Variants in CSMD1 observed in about 807,000 individuals in gnomAD.
CSMD1 encodes the protein CUB and Sushi multiple domains 1.
CSMD1 carries 213 observed loss-of-function variants against 417.5 expected under a neutral mutation model. That is an observed-to-expected ratio of 0.51 (90% CI 0.46 to 0.57). The LOEUF is 0.57. Among genes scored for constraint, CSMD1 ranks in the 20% least tolerant of loss-of-function variants. CSMD1 has a pLI of 0.00. For synonymous variants in CSMD1, 2,862 were observed against 1,736.8 expected (o/e 1.65, Z -16.11); for missense variants, 6,923 against 4,529.7 (o/e 1.53, Z -15.17).
chr8:3,925,634 T>C (rs1402546128), intron 5 of CSMD1, among the ~76,000 whole-genome samples: 5 of 151,976 alleles, frequency 3.3e-5, no homozygotes, highest in African/African-American at 1.2e-4. Context: ...TCTCATGAGA[T>C]CTGATGGGCT....
At chr8:3,888,411 C>A (rs368490328) in intron 5 of CSMD1, among the ~76,000 whole-genome samples, 3 of 152,148 alleles carry the variant, frequency 2.0e-5, no homozygotes, top group Non-Finnish European at 4.4e-5. Flanking sequence ...TATACGGAAA[C>A]CTTTTTTTAC....
chr8:4,876,242 G>A (rs998108242), intron 1 of CSMD1, among the ~76,000 whole-genome samples: 2 of 152,030 alleles, frequency 1.3e-5, no homozygotes, highest in African/African-American at 4.8e-5. Context: ...ATCTGCTACT[G>A]TGGTATAATA....
chr8:2,992,104 A>C (rs1295794703), intron 54 of CSMD1, among the ~76,000 whole-genome samples: 1 of 152,224 alleles, frequency 6.6e-6, no homozygotes, highest in Non-Finnish European at 1.5e-5. Flanking sequence ...GATTTAAAAG[A>C]AACACATGCA....
chr8:3,655,906 T>C (rs186970796), intron 7 of CSMD1, among the ~76,000 whole-genome samples: 84 of 152,276 alleles, frequency 5.5e-4, no homozygotes, highest in Non-Finnish European at 6.5e-4. Flanking sequence ...TTAATCCTTG[T>C]GATGCCAGGA....
At chr8:4,658,135 A>G (rs1414719196) in intron 1 of CSMD1, among the ~76,000 whole-genome samples, 1 of 152,164 alleles carries the variant, frequency 6.6e-6, no homozygotes, top group Non-Finnish European at 1.5e-5. Flanking sequence ...ATATATGCAT[A>G]ATAAAAAATC....
chr8:4,460,926 TCAATACCC>T (rs1183270882), intron 2 of CSMD1, among the ~76,000 whole-genome samples: 2 of 152,124 alleles, frequency 1.3e-5, no homozygotes, highest in Admixed American at 6.5e-5. Context: ...TTTTATAAGG[TCAATACCC>T]CAATATCAAA....
intron 2 of CSMD1, among the ~76,000 whole-genome samples, chr8:4,433,127 AGTT>A (rs1797965264): frequency 6.6e-6 from 1 of 152,238 alleles, no homozygotes; most frequent in Non-Finnish European, 1.5e-5. Context: ...GGGACTGACC[AGTT>A]GCAGAAAAAC....
intron 1 of CSMD1, among the ~76,000 whole-genome samples, chr8:4,818,319 A>G (rs187747013): frequency 6.6e-6 from 1 of 152,216 alleles, no homozygotes; most frequent in Non-Finnish European, 1.5e-5. Flanking sequence ...AAGCTAGATT[A>G]CAAAAGTATA....
At chr8:4,806,420 C>A (rs553153925) in intron 1 of CSMD1, among the ~76,000 whole-genome samples, 3 of 152,036 alleles carry the variant, frequency 2.0e-5, no homozygotes, top group African/African-American at 4.8e-5. Flanking sequence ...CATAAAAGTC[C>A]CCTGGATGAT....
chr8:4,272,265 C>G (rs946958249), intron 3 of CSMD1, among the ~76,000 whole-genome samples: 16 of 152,172 alleles, frequency 1.1e-4, no homozygotes, highest in African/African-American at 3.6e-4. Flanking sequence ...GAATCTGGGA[C>G]TTTAAGAAAA....
chr8:4,638,438 A>G (rs918074223), intron 1 of CSMD1, among the ~76,000 whole-genome samples: 4 of 152,234 alleles, frequency 2.6e-5, no homozygotes, highest in African/African-American at 7.2e-5. Context: ...CAAGTTGAAA[A>G]TAAAAGACAT....
chr8:3,715,357 T>C lies in CSMD1; in HGVS notation c.932-6866A>G, dbSNP rs115212938. Among the ~76,000 whole-genome samples the C allele has an allele frequency of 1.2e-3, 187 of 152,246 alleles. 2 individuals are homozygous for C. Among genetic ancestry groups the C allele is most frequent in the African/African-American group, 4.3e-3 (179 of 41,542 alleles). ...GTTGTTTTCCTGAAGGATGGAACCATTTCACAGTCTAAAACCTGAGCCTCC... is the reference window on the plus strand; with the variant it reads ...GTTGTTTTCCTGAAGGATGGAACCACTTCACAGTCTAAAACCTGAGCCTCC... On this transcript the variant is annotated intron_variant, in intron 6 of 69. Coordinates refer to ENST00000635120, the MANE Select transcript of CSMD1 (RefSeq NM_033225.6).
chr8:3,065,765 A>G (rs1812900723), intron 49 of CSMD1, among the ~76,000 whole-genome samples: 1 of 152,222 alleles, frequency 6.6e-6, no homozygotes, highest in African/African-American at 2.4e-5. Flanking sequence ...ATATAAAAGG[A>G]AAATTAGGCA....
At chr8:3,787,455 T>C (rs1221065227) in intron 5 of CSMD1, among the ~76,000 whole-genome samples, 1 of 152,260 alleles carries the variant, frequency 6.6e-6, no homozygotes, top group East Asian at 1.9e-4. Context: ...TATACAATAA[T>C]TCATGTGAAA....
In CSMD1 at chr8:3,450,417, C is replaced by A. The variant is rs967178100; in HGVS notation, c.1561+18295G>T. Among the ~76,000 whole-genome samples, 6 of 151,882 alleles carry A rather than the reference C, an allele frequency of 4.0e-5. No homozygotes were observed. The East Asian group carries it at 1.2e-3, about 29-fold the overall frequency. On this transcript the variant is annotated intron_variant, in intron 12 of 69. Coordinates refer to ENST00000635120, the MANE Select transcript of CSMD1 (RefSeq NM_033225.6). ...TGTTGGTGTGCTGCACCCATTAACT[C>A]GTCATTTAGCATTAGGTATATCTCC... is the stretch of plus-strand genomic sequence containing the variant.
chr8:4,946,651 C>T (rs952542402), intron 1 of CSMD1, among the ~76,000 whole-genome samples: 1 of 152,032 alleles, frequency 6.6e-6, no homozygotes, highest in Non-Finnish European at 1.5e-5. Flanking sequence ...ATCTGACTCC[C>T]GAATTAAAAA....
intron 3 of CSMD1, among the ~76,000 whole-genome samples, chr8:4,235,753 G>C (rs1358738172): frequency 1.3e-5 from 2 of 152,138 alleles, no homozygotes; most frequent in African/African-American, 4.8e-5. Flanking sequence ...AGGAAAAAAT[G>C]TGTCCCCCAT....
chr8:3,090,867 T>C (rs1814893896), intron 48 of CSMD1, among the ~76,000 whole-genome samples: 1 of 152,074 alleles, frequency 6.6e-6, no homozygotes, highest in South Asian at 2.1e-4. Flanking sequence ...ATCCTACTGA[T>C]GATTGTATAC....
At position 4,187,344 on chromosome 8, in the gene CSMD1, G is replaced by A. The variant is rs530567208; in HGVS notation, c.416-155245C>T. 1.0e-3 allele frequency among the ~76,000 whole-genome samples: 159 copies of A among 152,232 alleles called. 6 individuals are homozygous for A. The South Asian group carries it at 0.013, about 13-fold the overall frequency. On this transcript the variant is annotated intron_variant, in intron 3 of 69. Coordinates refer to ENST00000635120, the MANE Select transcript of CSMD1 (RefSeq NM_033225.6). ...GATGCAATGGTTTTAACTGACACAG[G>A]TAAGCATTAAGTAGCATTTGGGCCA...
Sources: gnomAD v4.1 joint callset for allele counts (sites outside exome capture counted in the v4.1 genomes callset) on GRCh38, gnomAD v4.1.1 for gene constraint, MANE v1.5 for transcripts, NCBI Gene and HGNC (gene_info 2026-07-23, HGNC 2026-07-21) for gene names.